FBXW4: variants seen among roughly 807,000 people sequenced by gnomAD.
The protein encoded by FBXW4 is F-box and WD repeat domain containing 4.
A neutral mutation model predicts 61.8 loss-of-function variants in FBXW4; 40 were observed. That is an observed-to-expected ratio of 0.65 (90% confidence interval 0.50 to 0.84). The LOEUF (loss-of-function observed/expected upper bound fraction) is 0.84. Ranked by LOEUF, FBXW4 falls within the 40% of genes least tolerant of loss-of-function variation. FBXW4 has a pLI of 0.00. For missense variants in FBXW4, 672 were observed against 753.8 expected (o/e 0.89, Z 1.27); for synonymous variants, 311 against 313.8 (o/e 0.99, Z 0.10).
chr10:101,636,341 G>A (rs1031755764), intron 5 of FBXW4, among the ~76,000 whole-genome samples: 4 of 148,456 alleles, frequency 2.7e-5, no homozygotes, highest in African/African-American at 1.0e-4. Context: ...CTGGGTGAGA[G>A]AGCAAGACTC....
At chr10:101,670,032 G>C (rs922857533) in intron 4 of FBXW4, among the ~76,000 whole-genome samples, 1 of 152,100 alleles carries the variant, frequency 6.6e-6, no homozygotes. Flanking sequence ...TGGGATTACA[G>C]GTGTGAGCCA....
At chr10:101,682,842 A>G (rs2064492179) in intron 1 of FBXW4, among the ~76,000 whole-genome samples, 1 of 152,202 alleles carries the variant, frequency 6.6e-6, no homozygotes, top group African/African-American at 2.4e-5. Context: ...GACTTTGAAA[A>G]AAAAAAAAAG....
chr10:101,623,417 G>GA (rs953044386), intron 6 of FBXW4, among the ~76,000 whole-genome samples: 11 of 150,740 alleles, frequency 7.3e-5, no homozygotes, highest in South Asian at 6.3e-4. Flanking sequence ...TTTTAAAAAA[G>GA]AAAAAAAAAT....
At chr10:101,691,504 A>G (rs1033092834) in intron 1 of FBXW4, among the ~76,000 whole-genome samples, 3 of 152,372 alleles carry the variant, frequency 2.0e-5, no homozygotes, top group Non-Finnish European at 2.9e-5. Context: ...CACATGTCTA[A>G]TAAATAATAA....
chr10:101,679,859 G>A (rs1355738593), intron 1 of FBXW4, among the ~76,000 whole-genome samples: 1 of 152,148 alleles, frequency 6.6e-6, no homozygotes, highest in Non-Finnish European at 1.5e-5. Context: ...ACTGTACCCA[G>A]TAGGTAATTT....
intron 5 of FBXW4, among the ~76,000 whole-genome samples, chr10:101,641,926 G>A (rs1458243040): frequency 6.6e-6 from 1 of 151,956 alleles, no homozygotes; most frequent in Non-Finnish European, 1.5e-5. Context: ...CAGCACTTTG[G>A]GAGGCTGAGG....
At chr10:101,613,501 A>G (rs2134797990) in intron 6 of FBXW4, among the ~76,000 whole-genome samples, 1 of 152,332 alleles carries the variant, frequency 6.6e-6, no homozygotes, top group South Asian at 2.1e-4. Context: ...CTTCACAGGG[A>G]TGTCCAGGTA....
intron 6 of FBXW4, among the ~76,000 whole-genome samples, chr10:101,619,188 G>T (rs2063848644): frequency 1.3e-5 from 2 of 152,224 alleles, no homozygotes; most frequent in African/African-American, 4.8e-5. Context: ...GGTCAATCAA[G>T]ATGAAGATAC....
At chr10:101,621,453 A>G (rs2063866302) in intron 6 of FBXW4, among the ~76,000 whole-genome samples, 1 of 152,114 alleles carries the variant, frequency 6.6e-6, no homozygotes, top group Non-Finnish European at 1.5e-5. Flanking sequence ...ATTTGAGCCC[A>G]GGAGTTCAAG....
intron 5 of FBXW4, among the ~76,000 whole-genome samples, chr10:101,638,816 G>A (rs1464822069): frequency 1.3e-5 from 2 of 152,158 alleles, no homozygotes; most frequent in East Asian, 3.8e-4. Flanking sequence ...TTTCTGAGTG[G>A]TGAAAGCCTG....
chr10:101,694,925 C>G lies in FBXW4; in HGVS notation c.181G>C (p.Gly61Arg), dbSNP rs1427014984. 6 of 1,238,866 alleles carry G rather than the reference C, an allele frequency of 4.8e-6. No individual in the cohort carries two copies. Among genetic ancestry groups the G allele is most frequent in the Non-Finnish European group, 6.0e-6 (6 of 991,940 alleles). The allele number at this position is 1,238,866 out of a possible 1,614,324, so 76.7% of individuals were successfully genotyped here. A position where few individuals can be genotyped will look rare whatever the true frequency, so the allele number is the denominator to read the frequency against. ...GRGSGAEGKP[G>R]PQTAKEAAGP... is the part of the protein sequence containing the mutation. ...GCTGCCTCCTTCGCCGTCTGCGGCC[C>G]GGGCTTCCCTTCCGCCCCGCTTCCT... The change falls in exon 1 of 9, where the codon GGG (glycine) becomes CGG (arginine). Residue 61 changes from glycine (G) to arginine (R), a missense_variant. Gly to Arg is a moderately radical substitution (Grantham distance 125). Coordinates refer to ENST00000331272, the MANE Select transcript of FBXW4 (RefSeq NM_022039.4). This position sits in a 1 kb window ranked among gnomAD's most constrained non-coding sequence, Gnocchi z 6.0.
intron 5 of FBXW4, among the ~76,000 whole-genome samples, chr10:101,652,541 AAAT>A (rs745856020): frequency 1.3e-5 from 2 of 152,198 alleles, no homozygotes; most frequent in Non-Finnish European, 2.9e-5. Context: ...AAGAAGAAAA[AAAT>A]AATAATAACG....
intron 5 of FBXW4, among the ~76,000 whole-genome samples, chr10:101,661,270 C>T (rs1482575220): frequency 6.6e-6 from 1 of 152,144 alleles, no homozygotes; most frequent in African/African-American, 2.4e-5. Context: ...AGCCAGGGCT[C>T]GGAGAGTGCT....
chr10:101,694,931 T>TC lies in FBXW4; in HGVS notation c.174dup (p.Lys59GlufsTer16). ...TCCTTCGCCGTCTGCGGCCCGGGCT[T>TC]CCCTTCCGCCCCGCTTCCTCTTCCG... On this transcript the variant is annotated frameshift_variant, in exon 1 of 9. Transcript: ENST00000331272. LOFTEE classifies it high-confidence loss of function. This position sits in a 1 kb window ranked among gnomAD's most constrained non-coding sequence, Gnocchi z 6.0. 1 of 1,236,626 alleles carries TC rather than the reference T, an allele frequency of 8.1e-7. No individual in the cohort carries two copies. The highest frequency in any genetic ancestry group is 1.0e-6 in the Non-Finnish European group (1 of 990,508). The allele number at this position is 1,236,626 out of a possible 1,614,324, so 76.6% of individuals were successfully genotyped here.
At chr10:101,645,395 A>G (rs2064087982) in intron 5 of FBXW4, among the ~76,000 whole-genome samples, 1 of 152,154 alleles carries the variant, frequency 6.6e-6, no homozygotes, top group South Asian at 2.1e-4. Context: ...TTTGGCCTGG[A>G]TTCTGTCTTC....
At position 101,611,214 on chromosome 10, in the gene FBXW4, A is replaced by C; in HGVS notation, c.*77T>G. On this transcript the variant is annotated 3_prime_UTR_variant, in exon 9 of 9. Transcript: ENST00000331272. This position sits in a 1 kb window ranked among gnomAD's most constrained non-coding sequence, Gnocchi z 4.9. ...CACAGTGGGGCAGTGAGGAGGAGCT[A>C]TCACTGCACCCTCCAGGCAAGAGAA... 1.3e-6 allele frequency: 2 copies of C among 1,546,714 alleles called. No homozygotes were observed. Among genetic ancestry groups the C allele is most frequent in the East Asian group, 2.3e-5 (1 of 44,252 alleles).
At chr10:101,682,546 A>T (rs2064489360) in intron 1 of FBXW4, among the ~76,000 whole-genome samples, 1 of 152,178 alleles carries the variant, frequency 6.6e-6, no homozygotes. Context: ...GTGGTGATGA[A>T]ACTAAAAAGG....
At chr10:101,650,452 C>A (rs2064136330) in intron 5 of FBXW4, among the ~76,000 whole-genome samples, 1 of 152,206 alleles carries the variant, frequency 6.6e-6, no homozygotes, top group African/African-American at 2.4e-5. Context: ...AAGCAAGGCC[C>A]TGCTTTGGCT....
intron 6 of FBXW4, among the ~76,000 whole-genome samples, chr10:101,621,558 G>A (rs1187747461): frequency 5.3e-5 from 8 of 152,106 alleles, no homozygotes; most frequent in East Asian, 1.9e-4. Flanking sequence ...CACAAACTCC[G>A]AGGTACTAGT....
Sources: gnomAD v4.1 joint callset for allele counts (sites outside exome capture counted in the v4.1 genomes callset) on GRCh38, gnomAD v4.1.1 for gene constraint, Gnocchi (gnomAD v3.1) non-coding constraint, MANE v1.5 for transcripts, NCBI Gene and HGNC (gene_info 2026-07-23, HGNC 2026-07-21) for gene names.